LRRC4C: variants seen among roughly 807,000 people sequenced by gnomAD.
LRRC4C encodes the protein leucine rich repeat containing 4C.
Under a neutral mutation model 33.6 loss-of-function variants are expected in LRRC4C, and 5 were observed. The observed-to-expected ratio is 0.15, with a 90% CI of 0.08 to 0.31. LRRC4C has a LOEUF of 0.31. Among genes scored for constraint, LRRC4C ranks in the 10% least tolerant of loss-of-function variants. LRRC4C has a pLI of 1.00. For synonymous variants in LRRC4C, 329 were observed against 302.0 expected, an observed-to-expected ratio of 1.09 and a Z score of -0.93; for missense variants, 560 against 796.7, an observed-to-expected ratio of 0.70 and a Z score of 3.58.
intron 2 of LRRC4C, among the ~76,000 whole-genome samples, chr11:40,816,361 T>C (rs575371930): frequency 1.1e-4 from 16 of 152,164 alleles, no homozygotes; most frequent in Non-Finnish European, 2.2e-4. Flanking sequence ...AAGGTACCCA[T>C]GAGTAAATGT....
At chr11:40,355,324 G>C (rs1418034483) in intron 3 of LRRC4C, among the ~76,000 whole-genome samples, 1 of 152,150 alleles carries the variant, frequency 6.6e-6, no homozygotes. Context: ...AGCCACCACT[G>C]CTGGTGTCTC....
intron 3 of LRRC4C, among the ~76,000 whole-genome samples, chr11:40,550,354 C>T (rs2135440979): frequency 6.6e-6 from 1 of 152,248 alleles, no homozygotes; most frequent in African/African-American, 2.4e-5. Context: ...AACATTTTAT[C>T]ATCTTTGTTG....
chr11:41,402,819 A>C (rs1057072037), intron 1 of LRRC4C, among the ~76,000 whole-genome samples: 1 of 152,108 alleles, frequency 6.6e-6, no homozygotes, highest in African/African-American at 2.4e-5. Flanking sequence ...ATACTGAACT[A>C]TATACCTTAA....
intron 1 of LRRC4C, among the ~76,000 whole-genome samples, chr11:41,167,648 GATT>G (rs1212817577): frequency 6.6e-6 from 1 of 152,066 alleles, no homozygotes; most frequent in Non-Finnish European, 1.5e-5. Context: ...AAACTAATGT[GATT>G]ATACTGATAC....
chr11:40,889,455 A>G (rs1377658698), intron 2 of LRRC4C, among the ~76,000 whole-genome samples: 1 of 152,018 alleles, frequency 6.6e-6, no homozygotes, highest in Non-Finnish European at 1.5e-5. Context: ...TTCTTTTCTC[A>G]TGTATATTTT....
At chr11:40,579,010 C>G (rs1413043746) in intron 3 of LRRC4C, among the ~76,000 whole-genome samples, 1 of 152,126 alleles carries the variant, frequency 6.6e-6, no homozygotes, top group African/African-American at 2.4e-5. Flanking sequence ...GATTCACTGA[C>G]TTTGTTAAGC....
At position 41,042,833 on chromosome 11, in the gene LRRC4C, C is replaced by T. The variant is rs151088368; in HGVS notation, c.-495-109110G>A. Among the ~76,000 whole-genome samples the T allele has an allele frequency of 3.1e-3, 468 of 152,178 alleles. 5 individuals carry two copies. The highest frequency in any genetic ancestry group is 2.4e-3 in the Non-Finnish European group (162 of 68,004). On this transcript the variant is annotated intron_variant, in intron 1 of 6. Transcript: ENST00000528697. ...CCTCAGACAATTACAGACACTTCAA[C>T]GACTGGCTGTAAACAAGCAGCTGTC...
intron 1 of LRRC4C, among the ~76,000 whole-genome samples, chr11:41,266,215 A>G (rs1949147210): frequency 6.6e-6 from 1 of 152,238 alleles, no homozygotes; most frequent in African/African-American, 2.4e-5. Context: ...ATCAAATAAG[A>G]TACTTATTTT....
chr11:40,143,487 C>A (rs1172048992), intron 5 of LRRC4C, among the ~76,000 whole-genome samples: 1 of 152,120 alleles, frequency 6.6e-6, no homozygotes, highest in East Asian at 1.9e-4. Flanking sequence ...GTTTCTCCTG[C>A]ACACCAAACA....
chr11:41,178,271 G>A (rs1945289820), intron 1 of LRRC4C, among the ~76,000 whole-genome samples: 1 of 152,142 alleles, frequency 6.6e-6, no homozygotes, highest in Non-Finnish European at 1.5e-5. Context: ...TTTCTTAAAT[G>A]CTTACCCATA....
intron 3 of LRRC4C, among the ~76,000 whole-genome samples, chr11:40,353,927 G>T (rs1338242263): frequency 6.6e-6 from 1 of 152,066 alleles, no homozygotes; most frequent in Non-Finnish European, 1.5e-5. Context: ...TGATGTCTAG[G>T]CATTGAAGAG....
In LRRC4C at chr11:41,213,492, T is replaced by C. The variant is rs1433558095; in HGVS notation, c.-496+245939A>G. Reference sequence around the variant, plus strand: ...GCATCCATCACTAACCAACAGGTAATATAACTGTATGTCTAGGTTTACTCG... The same window carrying C: ...GCATCCATCACTAACCAACAGGTAACATAACTGTATGTCTAGGTTTACTCG... On this transcript the variant is annotated intron_variant, in intron 1 of 6. Coordinates refer to ENST00000528697, the MANE Select transcript of LRRC4C (RefSeq NM_001258419.2). Among the ~76,000 whole-genome samples, 4 of 152,182 alleles carry C rather than the reference T, an allele frequency of 2.6e-5. No individual in the cohort carries two copies. In the East Asian group the frequency reaches 5.8e-4, roughly 22 times the overall value.
chr11:40,529,626 A>C (rs1392393551), intron 3 of LRRC4C, among the ~76,000 whole-genome samples: 4 of 152,204 alleles, frequency 2.6e-5, no homozygotes, highest in Non-Finnish European at 5.9e-5. Flanking sequence ...TTGAATAAGT[A>C]GATCAATGAA....
intron 3 of LRRC4C, among the ~76,000 whole-genome samples, chr11:40,489,933 A>G (rs1954061866): frequency 6.6e-6 from 1 of 152,274 alleles, no homozygotes; most frequent in Non-Finnish European, 1.5e-5. Context: ...ACCTCTGTTA[A>G]GAAACCATTG....
intron 1 of LRRC4C, among the ~76,000 whole-genome samples, chr11:41,181,941 T>A (rs1279468296): frequency 6.6e-6 from 1 of 152,198 alleles, no homozygotes; most frequent in African/African-American, 2.4e-5. Context: ...CCCTTTGAGC[T>A]ATTACCTGAA....
chr11:40,585,485 T>G (rs575640171), intron 3 of LRRC4C, among the ~76,000 whole-genome samples: 1 of 151,774 alleles, frequency 6.6e-6, no homozygotes, highest in Non-Finnish European at 1.5e-5. Flanking sequence ...TCTTTTTTTT[T>G]TTATACTTTA....
At chr11:40,692,282 C>T (rs1329659744) in intron 2 of LRRC4C, among the ~76,000 whole-genome samples, 3 of 151,588 alleles carry the variant, frequency 2.0e-5, no homozygotes, top group Non-Finnish European at 4.4e-5. Flanking sequence ...GTTCAATATC[C>T]AAGCAGGGGT....
At chr11:40,483,293 G>A (rs1048245579) in intron 3 of LRRC4C, among the ~76,000 whole-genome samples, 1 of 152,144 alleles carries the variant, frequency 6.6e-6, no homozygotes, top group African/African-American at 2.4e-5. Flanking sequence ...AGTCACGGAG[G>A]AAATGAAGAG....
At chr11:40,623,349 T>C (rs138710606) in intron 3 of LRRC4C, among the ~76,000 whole-genome samples, 1 of 152,180 alleles carries the variant, frequency 6.6e-6, no homozygotes, top group Non-Finnish European at 1.5e-5. Context: ...TATATAATTA[T>C]CTCATGCTAT....
Sources: allele counts gnomAD v4.1 joint callset (sites outside exome capture counted in the v4.1 genomes callset), GRCh38; gene constraint gnomAD v4.1.1; transcripts MANE v1.5; gene names NCBI Gene and HGNC (gene_info 2026-07-23, HGNC 2026-07-21).